The following CD44 variants were observed in gnomAD, a reference collection of about 807,000 sequenced individuals.
The protein encoded by CD44 is CD44 antigen.
Under a neutral mutation model 88.8 loss-of-function variants are expected in CD44, and 49 were observed. The observed-to-expected ratio is 0.55, with a 90% CI of 0.44 to 0.70. CD44 has a LOEUF of 0.70. CD44 is among the 30% of genes least tolerant of loss of function. The probability of loss-of-function intolerance (pLI) is 0.00; values close to 1 mark genes in which losing one functional copy is unlikely to be tolerated. For missense variants in CD44, 883 were observed against 913.8 expected, an observed-to-expected ratio of 0.97 and a Z score of 0.43; for synonymous variants, 325 against 312.3, an observed-to-expected ratio of 1.04 and a Z score of -0.43.
At chr11:35,214,569 A>T (rs910889366) in intron 14 of CD44, 8 of 322,160 alleles carry the variant, frequency 2.5e-5, no homozygotes, top group African/African-American at 8.5e-5. Flanking sequence ...GATTTCTACC[A>T]AAACAAAGTT....
At chr11:35,157,357 A>ATCTG (rs1305877174) in intron 1 of CD44, among the ~76,000 whole-genome samples, 1 of 150,474 alleles carries the variant, frequency 6.6e-6, no homozygotes, top group East Asian at 2.0e-4. Context: ...CTATCTATCT[A>ATCTG]TCTATCTATC....
chr11:35,149,773 CA>C (rs1047841345), intron 1 of CD44, among the ~76,000 whole-genome samples: 4 of 151,830 alleles, frequency 2.6e-5, no homozygotes, highest in Non-Finnish European at 5.9e-5. Flanking sequence ...AAGGCAGTGT[CA>C]AAAAAAATTG....
At chr11:35,182,086 CAAATAT>C (rs1945197453) in intron 3 of CD44, among the ~76,000 whole-genome samples, 1 of 137,790 alleles carries the variant, frequency 7.3e-6, no homozygotes, top group Non-Finnish European at 1.5e-5. Context: ...CCATATACAT[CAAATAT>C]AAATATACAT....
Position 35,206,098 on chromosome 11 carries a change from C to A in CD44, c.1283-14C>A. The A allele has an allele frequency of 6.3e-7, 1 of 1,590,564 alleles. No individual in the cohort carries two copies. The highest frequency in any genetic ancestry group is 8.5e-7 in the Non-Finnish European group (1 of 1,171,304). ...ATTAACACTTTGACAATTGCTCAAACTGCATGGTCACAGCAGCCTCAGCTC... is the reference window on the plus strand; with the variant it reads ...ATTAACACTTTGACAATTGCTCAAAATGCATGGTCACAGCAGCCTCAGCTC... On this transcript the variant is annotated splice_polypyrimidine_tract_variant and intron_variant, in intron 10 of 17. Coordinates refer to ENST00000428726, the MANE Select transcript of CD44 (RefSeq NM_000610.4).
chr11:35,204,186 G>T (rs1591246365), intron 9 of CD44, among the ~76,000 whole-genome samples: 1 of 152,160 alleles, frequency 6.6e-6, no homozygotes, highest in East Asian at 1.9e-4. Context: ...CTCAGACAGG[G>T]TATGTGAAGC....
intron 1 of CD44, among the ~76,000 whole-genome samples, chr11:35,154,558 A>C (rs1941602664): frequency 6.6e-6 from 1 of 152,260 alleles, no homozygotes. Flanking sequence ...TAGCTAATTC[A>C]AATGCTTGGT....
At chr11:35,173,508 G>A (rs551492218) in intron 1 of CD44, among the ~76,000 whole-genome samples, 75 of 152,260 alleles carry the variant, frequency 4.9e-4, no homozygotes, top group African/African-American at 1.8e-3. Flanking sequence ...GAAAAAGAGT[G>A]AACTGCAAAA....
intron 1 of CD44, among the ~76,000 whole-genome samples, chr11:35,143,742 C>T (rs1858484146): frequency 6.6e-6 from 1 of 152,194 alleles, no homozygotes; most frequent in Non-Finnish European, 1.5e-5. Flanking sequence ...TGTCTCTCCC[C>T]AGGTTTGGCC....
chr11:35,222,309 C>T, intron 17 of CD44: 1 of 739,506 alleles, frequency 1.4e-6, no homozygotes, highest in Non-Finnish European at 2.1e-6. Context: ...TTTTTATTGG[C>T]CTTGTGCTTT....
intron 1 of CD44, among the ~76,000 whole-genome samples, chr11:35,155,270 T>C (rs183626053): frequency 6.6e-6 from 1 of 152,318 alleles, no homozygotes; most frequent in Admixed American, 6.5e-5. Flanking sequence ...GAAGCACAAA[T>C]TCAGGGTTTC....
chr11:35,205,135 A>G (rs1947706265), intron 10 of CD44, among the ~76,000 whole-genome samples: 2 of 152,206 alleles, frequency 1.3e-5, no homozygotes, highest in Non-Finnish European at 2.9e-5. Context: ...ATGCCTGTTC[A>G]GTAATTTGTT....
At chr11:35,139,774 G>A (rs1857538906) in intron 1 of CD44, among the ~76,000 whole-genome samples, 1 of 152,256 alleles carries the variant, frequency 6.6e-6, no homozygotes, top group South Asian at 2.1e-4. Flanking sequence ...GCTGGGCGGG[G>A]CAGAGACTGG....
chr11:35,150,328 C>G (rs1045159531), intron 1 of CD44, among the ~76,000 whole-genome samples: 1 of 152,164 alleles, frequency 6.6e-6, no homozygotes, highest in South Asian at 2.1e-4. Context: ...TATATATAAT[C>G]TTTCCCCAAA....
At chr11:35,146,920 T>A (rs936543735) in intron 1 of CD44, among the ~76,000 whole-genome samples, 1 of 152,198 alleles carries the variant, frequency 6.6e-6, no homozygotes, top group Non-Finnish European at 1.5e-5. Context: ...AGGAGGAAGT[T>A]GTAATGGAAA....
intron 5 of CD44, among the ~76,000 whole-genome samples, chr11:35,193,010 G>T (rs2133931116): frequency 1.3e-5 from 2 of 152,116 alleles, no homozygotes; most frequent in Middle Eastern, 6.8e-3. Flanking sequence ...TGGGAATTAT[G>T]CATCTTTAAT....
chr11:35,197,878 A>G (rs1946919379), intron 6 of CD44: 1 of 456,470 alleles, frequency 2.2e-6, no homozygotes, highest in South Asian at 4.6e-5. Context: ...GATTATGTCC[A>G]CACTTATTCT....
At chr11:35,211,033 A>G (rs757188674) in intron 13 of CD44, among the ~76,000 whole-genome samples, 4 of 152,222 alleles carry the variant, frequency 2.6e-5, no homozygotes, top group Non-Finnish European at 4.4e-5. Flanking sequence ...GGGTATTAAG[A>G]TCACCAAAAT....
rs1174676249 is a variant in CD44, at chr11:35,157,326, T to TCTAC, written c.67+17959_67+17960insCCTA. Reference sequence around the variant, plus strand: ...ATCCATCTATCTGTCTGTCTGTCTATCTATCTATCTATCTATCTATCTATC... The same window carrying TCTAC: ...ATCCATCTATCTGTCTGTCTGTCTATCTACCTATCTATCTATCTATCTATCTATC... On this transcript the variant is annotated intron_variant, in intron 1 of 17. Coordinates refer to ENST00000428726, the MANE Select transcript of CD44 (RefSeq NM_000610.4). Among the ~76,000 whole-genome samples the TCTAC allele has an allele frequency of 5.4e-3, 602 of 111,008 alleles. 3 individuals are homozygous for TCTAC. The highest frequency in any genetic ancestry group is 0.02 in the African/African-American group (582 of 29,806). 72.8% of individuals were successfully genotyped at this position (111,008 alleles called of 152,430 possible).
chr11:35,169,543 T>G (rs907154510), intron 1 of CD44, among the ~76,000 whole-genome samples: 12 of 152,132 alleles, frequency 7.9e-5, no homozygotes, highest in Non-Finnish European at 1.2e-4. Flanking sequence ...GCTCCAATAC[T>G]AGTACCAGGC....
Sources: allele counts gnomAD v4.1 joint callset (sites outside exome capture counted in the v4.1 genomes callset), GRCh38; gene constraint gnomAD v4.1.1; transcripts MANE v1.5; gene names NCBI Gene and HGNC (gene_info 2026-07-23, HGNC 2026-07-21).